Variants in NAA35 observed in about 807,000 individuals in gnomAD.
NAA35 encodes N-alpha-acetyltransferase 35, NatC auxiliary subunit.
Under a neutral mutation model 101.7 loss-of-function variants are expected in NAA35, and 18 were observed. That is an observed-to-expected ratio of 0.18 (90% confidence interval 0.12 to 0.26). The LOEUF (loss-of-function observed/expected upper bound fraction) is 0.26. Among genes scored for constraint, NAA35 ranks in the 10% least tolerant of loss-of-function variants. NAA35 has a pLI of 1.00. For missense variants in NAA35, 601 were observed against 886.8 expected (o/e 0.68, Z 4.09); for synonymous variants, 267 against 273.1 (o/e 0.98, Z 0.22).
At chr9:85,947,236 AT>A (rs112785948) in intron 2 of NAA35, among the ~76,000 whole-genome samples, 61 of 151,858 alleles carry the variant, frequency 4.0e-4, no homozygotes, top group South Asian at 1.0e-3. Flanking sequence ...ATATTCTGTG[AT>A]TTTTTTTTAA....
chr9:85,973,900 A>C (rs1830104978), intron 6 of NAA35, among the ~76,000 whole-genome samples: 1 of 151,750 alleles, frequency 6.6e-6, no homozygotes, highest in Admixed American at 6.6e-5. Context: ...AAGAATCCAG[A>C]AATTGTGCTG....
At chr9:85,965,159 C>T (rs145051304) in intron 6 of NAA35, among the ~76,000 whole-genome samples, 4 of 152,280 alleles carry the variant, frequency 2.6e-5, no homozygotes, top group African/African-American at 9.6e-5. Flanking sequence ...CTAAAATGCA[C>T]GTCTTGACTC....
intron 12 of NAA35, among the ~76,000 whole-genome samples, chr9:86,000,258 A>C (rs1028040569): frequency 5.3e-5 from 8 of 152,182 alleles, no homozygotes; most frequent in Non-Finnish European, 1.0e-4. Context: ...CTACTTGATC[A>C]TGGTGAATTA....
intron 11 of NAA35, among the ~76,000 whole-genome samples, chr9:85,979,726 C>T (rs1830356302): frequency 6.6e-6 from 1 of 152,172 alleles, no homozygotes; most frequent in Non-Finnish European, 1.5e-5. Context: ...CTGTATTTTT[C>T]CTGTGCTCTC....
chr9:85,986,698 C>A, intron 11 of NAA35: 3 of 310,370 alleles, frequency 9.7e-6, no homozygotes, highest in Non-Finnish European at 1.9e-5. Flanking sequence ...GATTCTCTTA[C>A]CTCACCCTCC....
chr9:85,941,606 G>C, intron 1 of NAA35: 3 of 986,328 alleles, frequency 3.0e-6, no homozygotes, highest in Non-Finnish European at 3.6e-6. Flanking sequence ...CCCGCCTCAG[G>C]TGTGCCTCGG....
intron 6 of NAA35, among the ~76,000 whole-genome samples, chr9:85,973,707 A>G (rs1266341969): frequency 2.0e-5 from 3 of 152,034 alleles, no homozygotes; most frequent in African/African-American, 7.2e-5. Context: ...GAGACAGACT[A>G]TAAAAGAGAA....
At chr9:85,977,789 A>G (rs1207525884) in intron 10 of NAA35, among the ~76,000 whole-genome samples, 1 of 152,188 alleles carries the variant, frequency 6.6e-6, no homozygotes, top group Non-Finnish European at 1.5e-5. Context: ...ACCAAAAGCA[A>G]GCCCTAGATG....
At chr9:86,009,286 A>G (rs1831793084) in intron 14 of NAA35, among the ~76,000 whole-genome samples, 1 of 152,192 alleles carries the variant, frequency 6.6e-6, no homozygotes, top group African/African-American at 2.4e-5. Context: ...TGCCTGTTCC[A>G]GGTGTTGACC....
chr9:86,013,623 C>A, intron 16 of NAA35, 96 bp from the exon 17 acceptor site: 1 of 1,141,392 alleles, frequency 8.8e-7, no homozygotes, highest in Non-Finnish European at 1.2e-6. Context: ...TTTAAATTTT[C>A]TGCTCATATT....
At chr9:85,986,389 T>C in intron 11 of NAA35, 1 of 469,464 alleles carries the variant, frequency 2.1e-6, no homozygotes, top group African/African-American at 2.0e-5. Context: ...GGGACAGAAG[T>C]GTGTGCAGGC....
At chr9:86,018,521 C>A in intron 20 of NAA35, 126 bp downstream of exon 20, 1 of 1,321,164 alleles carries the variant, frequency 7.6e-7, no homozygotes, top group Admixed American at 2.6e-5. Flanking sequence ...TATGAGGTAG[C>A]ATATGAGGGT....
chr9:86,007,923 A>G (rs183150911), intron 14 of NAA35, among the ~76,000 whole-genome samples: 7 of 152,310 alleles, frequency 4.6e-5, no homozygotes, highest in Admixed American at 4.6e-4. Flanking sequence ...CCACTGAAAG[A>G]TACACGATGG....
At chr9:85,969,879 A>T (rs1305703299) in intron 6 of NAA35, among the ~76,000 whole-genome samples, 1 of 149,766 alleles carries the variant, frequency 6.7e-6, no homozygotes, top group African/African-American at 2.5e-5. Flanking sequence ...AAAAAAAAAG[A>T]TGTGTTCATA....
chr9:85,985,263 T>G (rs1830599909), intron 11 of NAA35, among the ~76,000 whole-genome samples: 1 of 152,178 alleles, frequency 6.6e-6, no homozygotes, highest in African/African-American at 2.4e-5. Context: ...AAACATAGAA[T>G]TATCCAAGGG....
intron 14 of NAA35, 61 bp downstream of exon 14, chr9:86,007,525 C>T: frequency 8.2e-7 from 1 of 1,220,030 alleles, no homozygotes; most frequent in Non-Finnish European, 1.2e-6. Context: ...CCCAACTTCT[C>T]TGTACTCCTT....
In NAA35 at chr9:86,018,690, T is replaced by C. The variant is rs1359049348; in HGVS notation, c.1915-9T>C. On this transcript the variant is annotated splice_polypyrimidine_tract_variant and intron_variant, in intron 20 of 22. Transcript: ENST00000361671. ...ACGTGTTTTGAATTATACTTCCCCT[T>C]CTTTTTAGGAAATGTCTGACCTCAA... 4 of 1,607,362 alleles carry C rather than the reference T, an allele frequency of 2.5e-6. No individual in the cohort carries two copies. The South Asian group carries it at 3.4e-5, about 14-fold the overall frequency.
chr9:86,021,624 A>G (rs11141182), intron 22 of NAA35, among the ~76,000 whole-genome samples: 20,673 of 152,098 alleles, frequency 0.14, 1,445 homozygotes, highest in African/African-American at 0.18. Flanking sequence ...TGCCTTTCCT[A>G]TAATTTTTGA....
chr9:85,961,917 G>T, intron 5 of NAA35, 96 bp from the exon 6 acceptor site: 5 of 787,998 alleles, frequency 6.3e-6, no homozygotes, highest in Middle Eastern at 3.5e-4. Flanking sequence ...AATCTTATTT[G>T]GGTCTATGGT....
Sources: allele counts gnomAD v4.1 joint callset (sites outside exome capture counted in the v4.1 genomes callset), GRCh38; gene constraint gnomAD v4.1.1; transcripts MANE v1.5; gene names NCBI Gene and HGNC (gene_info 2026-07-23, HGNC 2026-07-21).